The following FBN2 variants were observed in gnomAD, a reference collection of about 807,000 sequenced individuals.
FBN2 encodes the protein fibrillin 2.
Under a neutral mutation model 355.6 loss-of-function variants are expected in FBN2, and 105 were observed. The ratio of observed to expected loss-of-function variants is 0.30; its 90% CI spans 0.25 to 0.35. The LOEUF is 0.35. Among genes scored for constraint, FBN2 ranks in the 10% least tolerant of loss-of-function variants. FBN2 has a pLI of 1.00. For missense variants in FBN2, 3,280 were observed against 3,758.7 expected (o/e 0.87, Z 3.33); for synonymous variants, 1,350 against 1,301.2 (o/e 1.04, Z -0.81).
intron 34 of FBN2, among the ~76,000 whole-genome samples, chr5:128,323,316 G>C (rs999499526): frequency 2.0e-5 from 3 of 152,168 alleles, no homozygotes; most frequent in Admixed American, 2.0e-4. Context: ...TGGTGAGAGA[G>C]GGCATCCTTG....
rs1293220446 is a variant in FBN2, at chr5:128,259,739, G to A, written c.8455C>T (p.Leu2819=). The A allele has an allele frequency of 6.2e-7, 1 of 1,613,894 alleles. No individual in the cohort carries two copies. The change falls in exon 65 of 65, where the codon CTG becomes TTG. Residue 2819 remains leucine, a synonymous_variant. Transcript: ENST00000262464. ...GGCTGGATGGCGGGCCTTAGTTCCAGGATGTGCTCCTTAGAGCCGAGGTGG... is the reference window on the plus strand; with the variant it reads ...GGCTGGATGGCGGGCCTTAGTTCCAAGATGTGCTCCTTAGAGCCGAGGTGG... The part of the protein sequence containing the change: ...LSHLGSKEHI[L]ELRPAIQPLN...
intron 18 of FBN2, among the ~76,000 whole-genome samples, chr5:128,362,798 C>T (rs1407827829): frequency 6.6e-6 from 1 of 152,116 alleles, no homozygotes; most frequent in Non-Finnish European, 1.5e-5. Flanking sequence ...TCCATTTTTG[C>T]AAGTGTAGTT....
chr5:128,434,394 GTATATATATATATATATA>G lies in FBN2; in HGVS notation c.952+12069_952+12086del, dbSNP rs6149234. 4.4e-4 allele frequency among the ~76,000 whole-genome samples: 40 copies of G among 91,668 alleles called. 4 individuals carry two copies. Among genetic ancestry groups the G allele is most frequent in the African/African-American group, 7.9e-4 (13 of 16,550 alleles). 60.1% of individuals were successfully genotyped at this position (91,668 alleles called of 152,430 possible). ...CAATGCCTGGCAGTGAATAAAGTGT[GTATATATATATATATATA>G]TATATATATATATGGGCAGTAAGTG... On this transcript the variant is annotated intron_variant, in intron 7 of 64. Transcript: ENST00000262464.
In FBN2 at chr5:128,312,535, T is replaced by C. The variant is rs575636423; in HGVS notation, c.4879+99A>G. 48 of 1,339,482 alleles carry C rather than the reference T, an allele frequency of 3.6e-5. No homozygotes were observed. In the South Asian group the frequency reaches 6.0e-4, roughly 17 times the overall value. The allele number at this position is 1,339,482 out of a possible 1,614,324, so 83.0% of individuals were successfully genotyped here. On this transcript the variant is annotated intron_variant, in intron 37 of 64. Transcript: ENST00000262464. Reference sequence around the variant, plus strand: ...GTTCAAATTCAGTTTTTTTGTTTTGTCCTCACTAAACACTCCTCACTCCCA... The same window carrying C: ...GTTCAAATTCAGTTTTTTTGTTTTGCCCTCACTAAACACTCCTCACTCCCA...
intron 50 of FBN2, 74 bp downstream of exon 50, chr5:128,290,658 A>G: frequency 1.4e-6 from 2 of 1,420,050 alleles, no homozygotes; most frequent in Non-Finnish European, 2.0e-6. Context: ...CTTAAATTAC[A>G]TGGTTAAACC....
At chr5:128,420,121 T>C (rs895203570) in intron 7 of FBN2, among the ~76,000 whole-genome samples, 1 of 152,198 alleles carries the variant, frequency 6.6e-6, no homozygotes, top group African/African-American at 2.4e-5. Flanking sequence ...TTTTAAAAAA[T>C]GTATTTCATG....
At chr5:128,523,494 T>C (rs1756488424) in intron 4 of FBN2, among the ~76,000 whole-genome samples, 2 of 152,268 alleles carry the variant, frequency 1.3e-5, no homozygotes, top group Admixed American at 6.5e-5. Flanking sequence ...TCTAAGCCTA[T>C]GATTAAAATA....
chr5:128,454,932 C>A (rs760894881), intron 6 of FBN2, among the ~76,000 whole-genome samples: 10 of 152,126 alleles, frequency 6.6e-5, no homozygotes, highest in Non-Finnish European at 1.2e-4. Flanking sequence ...TTCTGCTATA[C>A]CTTCAGTTTT....
At chr5:128,537,125 G>A (rs1756870004) in intron 1 of FBN2, among the ~76,000 whole-genome samples, 1 of 152,056 alleles carries the variant, frequency 6.6e-6, no homozygotes, top group South Asian at 2.1e-4. Context: ...CTAACCACCC[G>A]CCGCCCAACC....
intron 5 of FBN2, among the ~76,000 whole-genome samples, chr5:128,491,709 C>T (rs1225965281): frequency 6.6e-6 from 1 of 152,082 alleles, no homozygotes; most frequent in Non-Finnish European, 1.5e-5. Context: ...AATGCAACAA[C>T]AAAAACAAGT....
chr5:128,368,445 C>CAT (rs1319667818), intron 16 of FBN2, among the ~76,000 whole-genome samples: 4 of 118,974 alleles, frequency 3.4e-5, no homozygotes, highest in South Asian at 2.5e-4. Context: ...CACATATATA[C>CAT]ATATATATAC....
chr5:128,348,811 C>A (rs1380971517), intron 23 of FBN2, among the ~76,000 whole-genome samples: 1 of 152,020 alleles, frequency 6.6e-6, no homozygotes, highest in Admixed American at 6.6e-5. Context: ...AATCACTATT[C>A]CTATAATATG....
Position 128,350,989 on chromosome 5 carries a change from G to C in FBN2, c.2691C>G (p.Thr897=). Residue 897 remains threonine (T), a synonymous_variant, in exon 21 of 65, where the codon ACC becomes ACG. Coordinates refer to ENST00000262464, the MANE Select transcript of FBN2 (RefSeq NM_001999.4). ...GLICIDSLKG[T]CWLNIQDSRC... ...GGCTGTCCTGGATGTTGAGCCAACA[G>C]GTCCCCTTCAGGCTGTCTGAAAAGG... The C allele has an allele frequency of 6.2e-7, 1 of 1,614,190 alleles. No individual in the cohort carries two copies. Among genetic ancestry groups the C allele is most frequent in the African/African-American group, 1.3e-5 (1 of 75,064 alleles).
intron 6 of FBN2, among the ~76,000 whole-genome samples, chr5:128,450,809 C>T (rs1233812901): frequency 6.6e-6 from 1 of 151,942 alleles, no homozygotes; most frequent in African/African-American, 2.4e-5. Flanking sequence ...TGAATTTACA[C>T]AAATTTGTTA....
chr5:128,410,447 G>T (rs1753033717), intron 7 of FBN2, among the ~76,000 whole-genome samples: 2 of 152,146 alleles, frequency 1.3e-5, no homozygotes, highest in Non-Finnish European at 2.9e-5. Flanking sequence ...CATTAAAAAA[G>T]TGAAGAACTA....
In FBN2 at chr5:128,305,520, C is replaced by A. The variant is rs1169022936; in HGVS notation, c.5665G>T (p.Ala1889Ser). The A allele has an allele frequency of 1.2e-6, 2 of 1,614,036 alleles. No homozygotes were observed. The highest frequency in any genetic ancestry group is 4.5e-5 in the East Asian group (2 of 44,884). The change falls in exon 44 of 65, where the codon GCC (alanine) becomes TCC (serine). Residue 1889 changes from alanine (A) to serine (S), a missense_variant. By Grantham distance (99) the Ala-to-Ser change is moderately conservative. Transcript: ENST00000262464. The part of the protein sequence containing the change: ...AAGFKLSPNG[A>S]CVDRNECLEI... ...TCAGCCTCTTTCTTACCTACACAGG[C>A]CCCATTGGGTGAAAGTTTGAAACCC...
At chr5:128,386,433 T>C (rs1162802566) in intron 11 of FBN2, among the ~76,000 whole-genome samples, 1 of 152,154 alleles carries the variant, frequency 6.6e-6, no homozygotes, top group African/African-American at 2.4e-5. Context: ...TGCCTTGTAG[T>C]ATAGTTTAAA....
At position 128,434,424 on chromosome 5, in the gene FBN2, A is replaced by ATATATATATATATATATATG. The variant is rs1168426536; in HGVS notation, c.952+12056_952+12057insCATATATATATATATATATA. 2.6e-3 allele frequency among the ~76,000 whole-genome samples: 333 copies of ATATATATATATATATATATG among 130,406 alleles called. 12 individuals carry two copies. Among genetic ancestry groups the ATATATATATATATATATATG allele is most frequent in the Middle Eastern group, 3.8e-3 (1 of 266 alleles). 85.6% of individuals were successfully genotyped at this position (130,406 alleles called of 152,430 possible). On this transcript the variant is annotated intron_variant, in intron 7 of 64. Transcript: ENST00000262464. ...TATATATATATATATATATATATAT[A>ATATATATATATATATATATG]TGGGCAGTAAGTGACAGCACTGGCG...
In FBN2 at chr5:128,357,376, G is replaced by T. The variant is rs1393391044; in HGVS notation, c.2574C>A (p.Ser858Arg). 6.2e-7 allele frequency: 1 copy of T among 1,613,824 alleles called. No homozygotes were observed. Among genetic ancestry groups the T allele is most frequent in the Non-Finnish European group, 8.5e-7 (1 of 1,179,758 alleles). ...TGCAGGCCCCATTGACACATGGGTT[G>T]CTTTCACATTCATTTATATCTACAA... is the stretch of plus-strand genomic sequence containing the variant. ...ETCEDINECE[S>R]NPCVNGACRN... Residue 858 changes from serine to arginine, a missense_variant, in exon 20 of 65, where the codon AGC (serine) becomes AGA (arginine). Physicochemically the swap from Ser to Arg is moderately radical, Grantham distance 110. This residue lies in a region of FBN2 where 2,284 missense variants were observed against 2,749.5 expected (regional missense o/e 0.83). Coordinates refer to ENST00000262464, the MANE Select transcript of FBN2 (RefSeq NM_001999.4).
Sources: gnomAD v4.1 joint callset for allele counts (sites outside exome capture counted in the v4.1 genomes callset) on GRCh38, gnomAD v4.1.1 for gene constraint, gnomAD v4.1.1 regional missense constraint, MANE v1.5 for transcripts, NCBI Gene and HGNC (gene_info 2026-07-23, HGNC 2026-07-21) for gene names.